The following CTNNA3 variants were observed in gnomAD, a reference collection of about 807,000 sequenced individuals.
CTNNA3 encodes the protein catenin alpha-3.
A neutral mutation model predicts 95.7 loss-of-function variants in CTNNA3; 76 were observed. That is an observed-to-expected ratio of 0.79 (90% CI 0.66 to 0.96). The LOEUF (loss-of-function observed/expected upper bound fraction) is 0.96, where lower values mean the gene tolerates loss of function less well. CTNNA3 is among the 40% of genes least tolerant of loss of function. The pLI is 0.00. For synonymous variants in CTNNA3, 431 were observed against 374.4 expected, an observed-to-expected ratio of 1.15 and a Z score of -1.74; for missense variants, 1,191 against 1,089.8, an observed-to-expected ratio of 1.09 and a Z score of -1.31.
intron 13 of CTNNA3, among the ~76,000 whole-genome samples, chr10:66,279,039 T>A (rs1437826007): frequency 6.6e-6 from 1 of 152,094 alleles, no homozygotes; most frequent in Non-Finnish European, 1.5e-5. Context: ...CAAGTATTTA[T>A]CCTGAGGTTT....
intron 4 of CTNNA3, among the ~76,000 whole-genome samples, chr10:67,527,968 T>G (rs780121173): frequency 2.6e-5 from 4 of 152,184 alleles, no homozygotes; most frequent in Non-Finnish European, 5.9e-5. Context: ...CTCCTGCTCA[T>G]TCTGCTCATT....
At chr10:66,383,805 G>C (rs1305340983) in intron 11 of CTNNA3, among the ~76,000 whole-genome samples, 2 of 152,146 alleles carry the variant, frequency 1.3e-5, no homozygotes, top group Non-Finnish European at 2.9e-5. Flanking sequence ...CATTCTTAAA[G>C]AAAGGAATTT....
Position 66,490,948 on chromosome 10 carries a change from A to T in CTNNA3, c.1531+29669T>A, listed in dbSNP as rs149722219. Among the ~76,000 whole-genome samples, 4 of 152,312 alleles carry T rather than the reference A, an allele frequency of 2.6e-5. No homozygotes were observed. The East Asian group carries it at 7.7e-4, about 29-fold the overall frequency. ...TCATTTTAAGCTGCTGACATGTTTC[A>T]TTATTTGCTACCAATCCTTTAATCC... On this transcript the variant is annotated intron_variant, in intron 11 of 17. Transcript: ENST00000433211.
intron 3 of CTNNA3, among the ~76,000 whole-genome samples, chr10:67,549,339 T>C (rs923938141): frequency 6.6e-6 from 1 of 152,076 alleles, no homozygotes; most frequent in Non-Finnish European, 1.5e-5. Context: ...GGGTAGAGGG[T>C]GTCGATCTTG....
intron 3 of CTNNA3, among the ~76,000 whole-genome samples, chr10:67,592,800 A>G (rs1240025756): frequency 6.6e-6 from 1 of 152,144 alleles, no homozygotes; most frequent in Admixed American, 6.6e-5. Context: ...TAAACCAACT[A>G]CTTTTTTTAA....
At chr10:65,960,387 C>T (rs1252467343) in intron 17 of CTNNA3, among the ~76,000 whole-genome samples, 1 of 151,968 alleles carries the variant, frequency 6.6e-6, no homozygotes, top group African/African-American at 2.4e-5. Context: ...TAGCCAGGCG[C>T]CGTGGGGGGC....
At chr10:66,111,956 A>T (rs1054171278) in intron 13 of CTNNA3, among the ~76,000 whole-genome samples, 1 of 152,168 alleles carries the variant, frequency 6.6e-6, no homozygotes, top group Admixed American at 6.5e-5. Context: ...TAATTTTTGT[A>T]AATCCTTTGA....
intron 2 of CTNNA3, among the ~76,000 whole-genome samples, chr10:67,634,477 G>T (rs1010410687): frequency 2.6e-5 from 4 of 151,998 alleles, no homozygotes; most frequent in Admixed American, 2.0e-4. Context: ...CACACAACAA[G>T]ATTAACCTTA....
chr10:67,639,498 T>A (rs1014192826), intron 2 of CTNNA3, among the ~76,000 whole-genome samples: 1 of 152,186 alleles, frequency 6.6e-6, no homozygotes, highest in African/African-American at 2.4e-5. Context: ...CCTCCCTAAC[T>A]CATTTTATGA....
chr10:66,694,403 C>T (rs1425669321), intron 9 of CTNNA3, among the ~76,000 whole-genome samples: 6 of 152,228 alleles, frequency 3.9e-5, no homozygotes, highest in East Asian at 1.9e-4. Context: ...CCTCCCAAGA[C>T]GAAACCAAGA....
At chr10:67,114,296 T>C (rs1859061150) in intron 7 of CTNNA3, among the ~76,000 whole-genome samples, 2 of 152,112 alleles carry the variant, frequency 1.3e-5, no homozygotes, top group African/African-American at 4.8e-5. Flanking sequence ...TACATTTACA[T>C]TTTAAAAATA....
chr10:67,157,680 G>T (rs1024761945), intron 7 of CTNNA3, among the ~76,000 whole-genome samples: 1 of 152,034 alleles, frequency 6.6e-6, no homozygotes, highest in African/African-American at 2.4e-5. Flanking sequence ...AATTAGCCGC[G>T]CATGTAGCCC....
chr10:67,241,752 G>A (rs1865722742), intron 5 of CTNNA3, among the ~76,000 whole-genome samples: 1 of 152,166 alleles, frequency 6.6e-6, no homozygotes, highest in Admixed American at 6.5e-5. Flanking sequence ...GGAGTTCTAT[G>A]AGAAATCATA....
chr10:65,996,989 T>C (rs1452896873), intron 15 of CTNNA3, among the ~76,000 whole-genome samples: 2 of 151,778 alleles, frequency 1.3e-5, no homozygotes, highest in Admixed American at 6.6e-5. Flanking sequence ...TCTTTATTTT[T>C]TAAATCTGTT....
At chr10:66,542,491 A>C (rs902693988) in intron 10 of CTNNA3, among the ~76,000 whole-genome samples, 1 of 152,120 alleles carries the variant, frequency 6.6e-6, no homozygotes, top group Non-Finnish European at 1.5e-5. Flanking sequence ...AACCAACCCA[A>C]ATGTCCAACA....
At chr10:66,101,454 C>A (rs1406644521) in intron 14 of CTNNA3, among the ~76,000 whole-genome samples, 1 of 152,080 alleles carries the variant, frequency 6.6e-6, no homozygotes, top group East Asian at 1.9e-4. Context: ...TCTGATAAAA[C>A]ACAGGTTTTA....
chr10:67,699,294 G>A (rs1264285783), upstream of CTNNA3, among the ~76,000 whole-genome samples: 2 of 152,028 alleles, frequency 1.3e-5, no homozygotes, highest in Non-Finnish European at 2.9e-5. Context: ...TCCCAAATGA[G>A]TTGTCCACCA....
chr10:66,903,479 G>A (rs903108540), intron 7 of CTNNA3, among the ~76,000 whole-genome samples: 5 of 152,104 alleles, frequency 3.3e-5, no homozygotes, highest in African/African-American at 1.2e-4. Context: ...AGAAAAGGAT[G>A]CCCTCTCTCA....
At chr10:66,663,422 T>A (rs1420912952) in intron 9 of CTNNA3, among the ~76,000 whole-genome samples, 1 of 151,500 alleles carries the variant, frequency 6.6e-6, no homozygotes, top group Non-Finnish European at 1.5e-5. Context: ...TCACTTAGTT[T>A]CTTACTTCTA....
Sources: allele counts gnomAD v4.1 joint callset (sites outside exome capture counted in the v4.1 genomes callset), GRCh38; gene constraint gnomAD v4.1.1; transcripts MANE v1.5; gene names NCBI Gene and HGNC (gene_info 2026-07-23, HGNC 2026-07-21).